Variants in COX10 observed in about 807,000 individuals in gnomAD.
The protein encoded by COX10 is protoheme IX farnesyltransferase, mitochondrial.
In COX10, 27 loss-of-function variants were observed where a neutral mutation model predicts 37.3. The ratio of observed to expected loss-of-function variants is 0.72; its 90% CI spans 0.53 to 1.00. The LOEUF (loss-of-function observed/expected upper bound fraction) is 1.00, where lower values mean the gene tolerates loss of function less well. Ranked by LOEUF, COX10 falls within the 50% of genes least tolerant of loss-of-function variation. The pLI is 0.00. For missense variants in COX10, 475 were observed against 563.2 expected (o/e 0.84, Z 1.59); for synonymous variants, 222 against 229.1 (o/e 0.97, Z 0.28).
intron 5 of COX10, among the ~76,000 whole-genome samples, chr17:14,173,133 A>G (rs1905535307): frequency 6.6e-6 from 1 of 152,186 alleles, no homozygotes. Flanking sequence ...TTTAGGCACC[A>G]TTTTCAATAC....
At chr17:14,184,808 A>T (rs901412846) in intron 5 of COX10, among the ~76,000 whole-genome samples, 2 of 151,236 alleles carry the variant, frequency 1.3e-5, no homozygotes, top group African/African-American at 4.9e-5. Flanking sequence ...GGCTCAGCGT[A>T]TGTAGCTTGG....
chr17:14,109,705 G>C (rs8064562), intron 4 of COX10, among the ~76,000 whole-genome samples: 70,948 of 151,822 alleles, frequency 0.47, 16,864 homozygotes, highest in East Asian at 0.54. Context: ...TGGAATCAGG[G>C]TATTCTTTAT....
intron 4 of COX10, among the ~76,000 whole-genome samples, chr17:14,153,642 A>G (rs1340255021): frequency 2.6e-5 from 4 of 152,182 alleles, no homozygotes; most frequent in African/African-American, 9.7e-5. Flanking sequence ...TGGAACTTTC[A>G]TATACTGCTG....
intron 5 of COX10, among the ~76,000 whole-genome samples, chr17:14,166,613 T>TTTC (rs1905290123): frequency 5.2e-5 from 1 of 19,330 alleles, no homozygotes; most frequent in African/African-American, 1.4e-4. Flanking sequence ...CAATTCGACC[T>TTTC]TTTTTTTTTT....
chr17:14,102,038 G>A, intron 3 of COX10, 80 bp from the exon 4 acceptor site: 6 of 1,554,524 alleles, frequency 3.9e-6, no homozygotes, highest in Non-Finnish European at 5.3e-6. Flanking sequence ...TATGAAGGAT[G>A]GCTTGTTTTT....
chr17:14,074,389 T>G lies in COX10; in HGVS notation c.110T>G (p.Leu37Ter). ...ATACAGGACTCCCCTCACAAGTTCT[T>G]ACATCTTCTCAGGAATGTCAATAAG... Reference protein sequence around the residue: ...RTIQDSPHKFLHLLRNVNKQW... With the variant: ...RTIQDSPHKF Residue 37 changes from leucine to a stop codon, truncating the protein, a stop_gained, in exon 2 of 7, where the codon TTA becomes TGA. Transcript: ENST00000261643. LOFTEE classifies it high-confidence loss of function. The G allele has an allele frequency of 6.2e-7, 1 of 1,614,026 alleles. No individual in the cohort carries two copies. Among genetic ancestry groups the G allele is most frequent in the Non-Finnish European group, 8.5e-7 (1 of 1,179,880 alleles).
At chr17:14,104,971 T>C (rs772154813) in intron 4 of COX10, among the ~76,000 whole-genome samples, 1 of 152,160 alleles carries the variant, frequency 6.6e-6, no homozygotes, top group South Asian at 2.1e-4. Context: ...ATCCATAAAA[T>C]GTTTTGAATT....
intron 5 of COX10, chr17:14,182,155 A>G (rs1905884318): frequency 1.0e-6 from 1 of 982,430 alleles, no homozygotes. Context: ...TGCGCCGAAC[A>G]TCATGATGCA....
intron 5 of COX10, among the ~76,000 whole-genome samples, chr17:14,175,201 C>CTT (rs72182244): frequency 1.8e-4 from 25 of 140,744 alleles, no homozygotes; most frequent in East Asian, 1.6e-3. Flanking sequence ...CTATGTTTAC[C>CTT]TTTTTTTTTT....
In COX10 at chr17:14,069,581, G is replaced by C; in HGVS notation, c.-25G>C. On this transcript the variant is annotated 5_prime_UTR_variant, in exon 1 of 7. Coordinates refer to ENST00000261643, the MANE Select transcript of COX10 (RefSeq NM_001303.4). ...GAGGAGAGAGGACACAGGGATCCCG[G>C]GGAGCGGCCCCAGACTCGTAAATTA... 3.1e-6 allele frequency: 5 copies of C among 1,613,814 alleles called. No individual in the cohort carries two copies. Among genetic ancestry groups the C allele is most frequent in the Non-Finnish European group, 4.2e-6 (5 of 1,179,934 alleles).
At chr17:14,196,194 T>C (rs1012779181) in intron 6 of COX10, among the ~76,000 whole-genome samples, 64 of 152,204 alleles carry the variant, frequency 4.2e-4, no homozygotes, top group Non-Finnish European at 7.3e-4. Context: ...ACTGGGGACC[T>C]ACTGTTTGCC....
chr17:14,160,656 A>T (rs1905155001), intron 5 of COX10, among the ~76,000 whole-genome samples: 1 of 152,222 alleles, frequency 6.6e-6, no homozygotes, highest in Non-Finnish European at 1.5e-5. Context: ...TCAAATGATC[A>T]CACATATTTA....
chr17:14,170,767 T>C lies in COX10; in HGVS notation c.695+10820T>C, dbSNP rs541764771. Among the ~76,000 whole-genome samples the C allele has an allele frequency of 1.1e-3, 160 of 152,270 alleles. 1 individual carries two copies. Among genetic ancestry groups the C allele is most frequent in the African/African-American group, 3.8e-3 (157 of 41,548 alleles). On this transcript the variant is annotated intron_variant, in intron 5 of 6. Coordinates refer to ENST00000261643, the MANE Select transcript of COX10 (RefSeq NM_001303.4). Reference sequence around the variant, plus strand: ...TGGATTTGGAGGTTACAGTGAGCTATGATTGCACCACTGTACTCCAGCCTG... The same window carrying C: ...TGGATTTGGAGGTTACAGTGAGCTACGATTGCACCACTGTACTCCAGCCTG...
intron 5 of COX10, among the ~76,000 whole-genome samples, chr17:14,160,629 G>A (rs1034606766): frequency 6.6e-6 from 1 of 152,068 alleles, no homozygotes; most frequent in African/African-American, 2.4e-5. Flanking sequence ...AAAATTTATT[G>A]TGATAACACT....
At chr17:14,136,012 A>T (rs1904350174) in intron 4 of COX10, among the ~76,000 whole-genome samples, 1 of 151,922 alleles carries the variant, frequency 6.6e-6, no homozygotes, top group Non-Finnish European at 1.5e-5. Flanking sequence ...TAAGTTGGGG[A>T]TTAGAGACGA....
At chr17:14,179,137 G>C (rs971469861) in intron 5 of COX10, 1 of 333,572 alleles carries the variant, frequency 3.0e-6, no homozygotes, top group African/African-American at 2.2e-5. Context: ...TCTTAATTTC[G>C]CTTCAGAGAT....
At chr17:14,133,775 A>AT (rs1916516638) in intron 4 of COX10, among the ~76,000 whole-genome samples, 1 of 151,750 alleles carries the variant, frequency 6.6e-6, no homozygotes, top group Non-Finnish European at 1.5e-5. Flanking sequence ...AGATTTTATC[A>AT]TAATTGCAGA....
At chr17:14,103,215 T>C (rs1171270066) in intron 4 of COX10, among the ~76,000 whole-genome samples, 1 of 152,182 alleles carries the variant, frequency 6.6e-6, no homozygotes, top group Non-Finnish European at 1.5e-5. Flanking sequence ...ACACCATCTC[T>C]TCCAAGTAGT....
At chr17:14,074,969 G>A (rs1915107724) in intron 2 of COX10, among the ~76,000 whole-genome samples, 1 of 152,110 alleles carries the variant, frequency 6.6e-6, no homozygotes. Flanking sequence ...AATCCAGGTT[G>A]ACTCCATGAA....
Sources: allele counts gnomAD v4.1 joint callset (sites outside exome capture counted in the v4.1 genomes callset), GRCh38; gene constraint gnomAD v4.1.1; transcripts MANE v1.5; gene names NCBI Gene and HGNC (gene_info 2026-07-23, HGNC 2026-07-21).